Variants in RAB38 observed in about 807,000 individuals in gnomAD.
RAB38 encodes the protein RAB38, member RAS oncogene family, also known as ras-related protein Rab-38.
Under a neutral mutation model 18.4 loss-of-function variants are expected in RAB38, and 15 were observed. The observed-to-expected ratio is 0.82, with a 90% CI of 0.55 to 1.26. RAB38 has a LOEUF of 1.26. Among genes scored for constraint, RAB38 ranks in the 50% most tolerant of loss-of-function variants. The pLI, the probability that RAB38 is intolerant of heterozygous loss-of-function variation, is 0.00. For synonymous variants in RAB38, 101 were observed against 104.4 expected (o/e 0.97, Z 0.20); for missense variants, 294 against 267.4 (o/e 1.10, Z -0.69).
chr11:88,005,126 C>T, the RAB38 span, among the ~76,000 whole-genome samples: 1 of 151,374 alleles, frequency 6.6e-6, no homozygotes. Context: ...AAATCAACAA[C>T]TTACTCATAA....
the RAB38 span, among the ~76,000 whole-genome samples, chr11:87,956,643 A>G: frequency 6.6e-6 from 1 of 152,160 alleles, no homozygotes; most frequent in African/African-American, 2.4e-5. Flanking sequence ...ATATGTGAAA[A>G]CATGGCACTC....
the RAB38 span, among the ~76,000 whole-genome samples, chr11:87,808,384 G>T: frequency 6.6e-6 from 1 of 152,130 alleles, no homozygotes; most frequent in Non-Finnish European, 1.5e-5. Context: ...CCATAAAAAA[G>T]AAAATATCCT....
the RAB38 span, among the ~76,000 whole-genome samples, chr11:87,881,786 A>G: frequency 6.6e-6 from 1 of 151,790 alleles, no homozygotes; most frequent in African/African-American, 2.4e-5. Context: ...CTTCAAAACC[A>G]AAAGTTAGAG....
At chr11:87,805,879 T>C in the RAB38 span, among the ~76,000 whole-genome samples, 2 of 152,128 alleles carry the variant, frequency 1.3e-5, no homozygotes, top group Non-Finnish European at 1.5e-5. Context: ...TCTTCTTTCT[T>C]AGGGACCTCA....
the RAB38 span, among the ~76,000 whole-genome samples, chr11:87,916,562 A>G: frequency 1.3e-5 from 2 of 152,086 alleles, no homozygotes; most frequent in Admixed American, 6.6e-5. Flanking sequence ...CTAGATACCA[A>G]CAATGTGCTT....
At chr11:88,025,033 A>G in the RAB38 span, among the ~76,000 whole-genome samples, 1 of 152,136 alleles carries the variant, frequency 6.6e-6, no homozygotes, top group African/African-American at 2.4e-5. Context: ...GATTGTTTAT[A>G]ACACAAAGTA....
intron 2 of RAB38, among the ~76,000 whole-genome samples, chr11:88,143,066 C>T (rs922985953): frequency 2.0e-5 from 3 of 152,196 alleles, no homozygotes; most frequent in Non-Finnish European, 4.4e-5. Context: ...AAAGGTTATA[C>T]GGTAGTGCAA....
chr11:88,052,472 A>C, the RAB38 span, among the ~76,000 whole-genome samples: 5 of 152,148 alleles, frequency 3.3e-5, no homozygotes, highest in South Asian at 2.1e-4. Context: ...AAACCACTAC[A>C]AAAAGGTAAC....
chr11:87,886,702 G>A, the RAB38 span, among the ~76,000 whole-genome samples: 3 of 151,792 alleles, frequency 2.0e-5, no homozygotes, highest in Admixed American at 6.6e-5. Context: ...CTGGAAAAGA[G>A]ATACTATTAT....
intron 2 of RAB38, among the ~76,000 whole-genome samples, chr11:88,141,262 C>T (rs1234994150): frequency 6.6e-6 from 1 of 152,088 alleles, no homozygotes; most frequent in Non-Finnish European, 1.5e-5. Context: ...CCCCTGCAAC[C>T]AGAGGACATT....
At chr11:87,951,358 A>T in the RAB38 span, among the ~76,000 whole-genome samples, 12 of 151,838 alleles carry the variant, frequency 7.9e-5, 1 homozygote, top group African/African-American at 2.7e-4. Flanking sequence ...TGTAGCTCGG[A>T]GTAGTTTGAT....
the RAB38 span, among the ~76,000 whole-genome samples, chr11:88,085,848 T>C: frequency 6.6e-6 from 1 of 151,832 alleles, no homozygotes; most frequent in Non-Finnish European, 1.5e-5. Context: ...AAACAAAAAA[T>C]TACTGCCCCA....
the RAB38 span, among the ~76,000 whole-genome samples, chr11:87,966,384 A>C: frequency 6.6e-6 from 1 of 152,136 alleles, no homozygotes; most frequent in Non-Finnish European, 1.5e-5. Flanking sequence ...GCACTAGGAG[A>C]TGGAAACACT....
chr11:87,952,991 T>TAAAACATTAAAATTAAAATTTTA, the RAB38 span, among the ~76,000 whole-genome samples: 1 of 151,960 alleles, frequency 6.6e-6, no homozygotes, highest in Non-Finnish European at 1.5e-5. Flanking sequence ...ATAAAACATT[T>TAAAACATTAAAATTAAAATTTTA]AAAACATTAA....
At chr11:88,102,490 T>C in the RAB38 span, among the ~76,000 whole-genome samples, 6 of 152,090 alleles carry the variant, frequency 3.9e-5, no homozygotes, top group African/African-American at 1.2e-4. Context: ...CAATTTCTGT[T>C]GATTTCACAT....
At chr11:88,107,376 A>G in the RAB38 span, among the ~76,000 whole-genome samples, 240 of 151,898 alleles carry the variant, frequency 1.6e-3, no homozygotes, top group Non-Finnish European at 3.1e-3. Flanking sequence ...AAAAATATCT[A>G]CCATTTTTTA....
intron 2 of RAB38, among the ~76,000 whole-genome samples, chr11:88,127,166 G>A (rs1942708310): frequency 6.6e-6 from 1 of 152,202 alleles, no homozygotes; most frequent in African/African-American, 2.4e-5. Flanking sequence ...AGATCGTGGA[G>A]TGTGCCTTGT....
chr11:87,844,200 A>T, the RAB38 span, among the ~76,000 whole-genome samples: 2 of 152,008 alleles, frequency 1.3e-5, no homozygotes. Flanking sequence ...ATCCTATGAA[A>T]TAAATAGAGA....
the RAB38 span, among the ~76,000 whole-genome samples, chr11:87,931,834 GATGA>G: frequency 5.3e-5 from 8 of 151,838 alleles, no homozygotes; most frequent in Non-Finnish European, 1.2e-4. Context: ...AACAAAATGA[GATGA>G]ATGTGTGTTC....
Sources: gnomAD v4.1 joint callset for allele counts (sites outside exome capture counted in the v4.1 genomes callset) on GRCh38, gnomAD v4.1.1 for gene constraint, MANE v1.5 for transcripts, NCBI Gene and HGNC (gene_info 2026-07-23, HGNC 2026-07-21) for gene names.